The following ZNF45 variants were observed in gnomAD, a reference collection of about 807,000 sequenced individuals.
ZNF45 encodes the protein zinc finger protein 45, also known as BRC1744.
A neutral mutation model predicts 12.0 loss-of-function variants in ZNF45; 4 were observed. That is an observed-to-expected ratio of 0.33 (90% CI 0.16 to 0.76). ZNF45 has a LOEUF of 0.76. ZNF45 is among the 30% of genes least tolerant of loss of function. ZNF45 has a pLI of 0.60. For missense variants in ZNF45, 700 were observed against 813.0 expected (o/e 0.86, Z 1.69); for synonymous variants, 272 against 279.6 (o/e 0.97, Z 0.27).
chr19:43,931,345 C>G (rs1223711131), intron 3 of ZNF45: 1 of 152,066 alleles, frequency 6.6e-6, no homozygotes, highest in Non-Finnish European at 1.5e-5. Context: ...CCAGCCTAGC[C>G]AAGATGGTGA....
Position 43,913,660 on chromosome 19 carries a change from G to A in ZNF45, c.1776C>T (p.Arg592=). 6.2e-7 allele frequency: 1 copy of A among 1,613,888 alleles called. No individual in the cohort carries two copies. The highest frequency in any genetic ancestry group is 8.5e-7 in the Non-Finnish European group (1 of 1,180,018). The part of the protein sequence containing the change: ...KPYRCDVCGK[R]FRQRSYLQAH... ...CTTGAAGGTAGGATCTCTGTCTGAA[G>A]CGCTTACCACACACATCACATCGGT... Residue 592 remains arginine, a synonymous_variant, in exon 10 of 10, where the codon CGC becomes CGT. Coordinates refer to ENST00000269973, the MANE Select transcript of ZNF45 (RefSeq NM_003425.4).
intron 3 of ZNF45, 58 bp downstream of exon 3, chr19:43,932,546 T>G (rs1974212786): frequency 6.6e-6 from 1 of 152,206 alleles, no homozygotes; most frequent in African/African-American, 2.4e-5. Flanking sequence ...GTTCTCTAAT[T>G]GCAAGCTGTA....
intron 8 of ZNF45, 56 bp from the exon 9 acceptor site, chr19:43,919,018 T>C: frequency 7.0e-7 from 1 of 1,425,126 alleles, no homozygotes; most frequent in Non-Finnish European, 9.9e-7. Flanking sequence ...CCAAAATTAC[T>C]CAAAATTATT....
chr19:43,930,835 A>G (rs1599792053), intron 3 of ZNF45, among the ~76,000 whole-genome samples: 2 of 152,298 alleles, frequency 1.3e-5, no homozygotes, highest in East Asian at 3.9e-4. Context: ...TTTCAACAAT[A>G]TATTTTCTTT....
chr19:43,918,743 A>G, intron 9 of ZNF45, 127 bp downstream of exon 9: 1 of 695,968 alleles, frequency 1.4e-6, no homozygotes, highest in South Asian at 1.8e-5. Flanking sequence ...TTAGAATTAG[A>G]TTAGATATTC....
Position 43,913,802 on chromosome 19 carries a change from G to A in ZNF45, c.1634C>T (p.Ala545Val), listed in dbSNP as rs953846409. The change falls in exon 10 of 10, where the codon GCC becomes GTC. Residue 545 changes from alanine (A) to valine (V), a missense_variant. Ala to Val is a moderately conservative substitution (Grantham distance 64). Coordinates refer to ENST00000269973, the MANE Select transcript of ZNF45 (RefSeq NM_003425.4). ...CTCTCCAGTGTGGCACCTCTGATGG[G>A]CTTGAAGCTGTGAACCTACACTGAA... ...KGFSVGSQLQ[A>V]HQRCHTGEKP... 6.2e-7 allele frequency: 1 copy of A among 1,612,212 alleles called. No homozygotes were observed. The highest frequency in any genetic ancestry group is 8.5e-7 in the Non-Finnish European group (1 of 1,179,558).
chr19:43,919,716 A>G lies in ZNF45; in HGVS notation c.16-17T>C, dbSNP rs1337596678. The G allele has an allele frequency of 1.2e-6, 2 of 1,607,852 alleles. No individual in the cohort carries two copies. Among genetic ancestry groups the G allele is most frequent in the East Asian group, 2.2e-5 (1 of 44,490 alleles). On this transcript the variant is annotated splice_polypyrimidine_tract_variant and intron_variant, in intron 7 of 9. Coordinates refer to ENST00000269973, the MANE Select transcript of ZNF45 (RefSeq NM_003425.4). The stretch of plus-strand genomic sequence containing the variant: ...CACTGCCTCCTACAACATCAAACAC[A>G]CTCCACCTAAATCTTGCAATAAAGG...
At chr19:43,931,337 A>G (rs1974126132) in intron 3 of ZNF45, 1 of 152,218 alleles carries the variant, frequency 6.6e-6, no homozygotes, top group African/African-American at 2.4e-5. Context: ...ATTCAAGACC[A>G]GCCTAGCCAA....
intron 9 of ZNF45, among the ~76,000 whole-genome samples, chr19:43,917,761 C>T (rs570109415): frequency 1.1e-4 from 17 of 152,188 alleles, no homozygotes; most frequent in Non-Finnish European, 2.1e-4. Flanking sequence ...GCTGGGATTA[C>T]AGGCGTGAGC....
At chr19:43,921,575 G>T (rs1369892809) in intron 7 of ZNF45, among the ~76,000 whole-genome samples, 1 of 152,118 alleles carries the variant, frequency 6.6e-6, no homozygotes, top group African/African-American at 2.4e-5. Context: ...CATATCAAAA[G>T]TACTTTTTCA....
At chr19:43,917,913 T>C (rs1172257684) in intron 9 of ZNF45, among the ~76,000 whole-genome samples, 1 of 152,214 alleles carries the variant, frequency 6.6e-6, no homozygotes, top group Non-Finnish European at 1.5e-5. Flanking sequence ...TAGGCCCTTA[T>C]TACAATGCAG....
rs796165382 is a variant in ZNF45 at position 43,929,286 on chromosome 19, G to A, written c.-400+3318C>T. 7.9e-5 allele frequency among the ~76,000 whole-genome samples: 12 copies of A among 152,316 alleles called. No individual in the cohort carries two copies. In the South Asian group the frequency reaches 8.3e-4, roughly 11 times the overall value. The stretch of plus-strand genomic sequence containing the variant: ...CCTGAAGGCCTAGCCATGAGCTCCC[G>A]GCTCTCTCCAGATATGCCCTCTCAG... On this transcript the variant is annotated intron_variant, in intron 3 of 9. Coordinates refer to ENST00000269973, the MANE Select transcript of ZNF45 (RefSeq NM_003425.4).
At chr19:43,918,754 A>G in intron 9 of ZNF45, 116 bp downstream of exon 9, 1 of 752,724 alleles carries the variant, frequency 1.3e-6, no homozygotes, top group Non-Finnish European at 2.2e-6. Flanking sequence ...TTAGATATTC[A>G]TCAGGGGGAA....
At chr19:43,922,453 G>A (rs1973273322) in intron 6 of ZNF45, among the ~76,000 whole-genome samples, 1 of 152,100 alleles carries the variant, frequency 6.6e-6, no homozygotes, top group Non-Finnish European at 1.5e-5. Flanking sequence ...CACAGAGTAT[G>A]CCCCCAACAT....
intron 6 of ZNF45, among the ~76,000 whole-genome samples, chr19:43,922,480 T>G (rs2146979114): frequency 6.6e-6 from 1 of 152,250 alleles, no homozygotes. Context: ...TCCTTGTGGC[T>G]CTCAGGGTAT....
At chr19:43,922,820 GTTT>G (rs368057244) in intron 6 of ZNF45, among the ~76,000 whole-genome samples, 20 of 86,488 alleles carry the variant, frequency 2.3e-4, no homozygotes, top group African/African-American at 6.9e-4. Flanking sequence ...TAAATTCTTT[GTTT>G]TTTTTTTTTT....
intron 3 of ZNF45, among the ~76,000 whole-genome samples, chr19:43,929,012 G>A (rs1405808773): frequency 6.6e-6 from 1 of 152,206 alleles, no homozygotes; most frequent in Non-Finnish European, 1.5e-5. Context: ...CCATTTTACA[G>A]ACAAGGAAAT....
At chr19:43,922,306 G>GT in intron 6 of ZNF45, 89 bp from the exon 7 acceptor site, 1 of 932,320 alleles carries the variant, frequency 1.1e-6, no homozygotes, top group Admixed American at 3.3e-5. Context: ...TTTTTGTTTT[G>GT]TTTTGTTTTT....
At position 43,915,177 on chromosome 19, in the gene ZNF45, C is replaced by T; in HGVS notation, c.259G>A (p.Glu87Lys). Residue 87 changes from glutamate (E) to lysine (K), a missense_variant, in exon 10 of 10, where the codon GAG becomes AAG. Coordinates refer to ENST00000269973, the MANE Select transcript of ZNF45 (RefSeq NM_003425.4). ...SSGAKNLKEMETLQEVGLRYL... is the reference protein window; with the variant it reads ...SSGAKNLKEMKTLQEVGLRYL... ...CTTAATCCTACTTCTTGAAGAGTCT[C>T]CATCTCTTTTAGATTCTTGGCTCCT... 1 of 1,507,338 alleles carries T rather than the reference C, an allele frequency of 6.6e-7. No homozygotes were observed. Among genetic ancestry groups the T allele is most frequent in the Non-Finnish European group, 8.9e-7 (1 of 1,128,218 alleles). The allele number at this position is 1,507,338 out of a possible 1,614,324, so 93.4% of individuals were successfully genotyped here. A position where few individuals can be genotyped will look rare whatever the true frequency, so the allele number is the denominator to read the frequency against.
Sources: gnomAD v4.1 joint callset for allele counts (sites outside exome capture counted in the v4.1 genomes callset) on GRCh38, gnomAD v4.1.1 for gene constraint, MANE v1.5 for transcripts, NCBI Gene and HGNC (gene_info 2026-07-23, HGNC 2026-07-21) for gene names.